Variants in NEDD4 observed in about 807,000 individuals in gnomAD.
NEDD4 encodes the protein E3 ubiquitin-protein ligase NEDD4.
A neutral mutation model predicts 144.9 loss-of-function variants in NEDD4; 99 were observed. The observed-to-expected ratio is 0.68, with a 90% CI of 0.58 to 0.81. The LOEUF is 0.81. Ranked by LOEUF, NEDD4 falls within the 30% of genes least tolerant of loss-of-function variation. The pLI is 0.00. For missense variants in NEDD4, 985 were observed against 1,065.9 expected (o/e 0.92, Z 1.06); for synonymous variants, 318 against 350.6 (o/e 0.91, Z 1.04).
intron 23 of NEDD4, 80 bp downstream of exon 23, chr15:55,838,027 G>T: frequency 2.0e-6 from 2 of 991,562 alleles, no homozygotes; most frequent in Non-Finnish European, 3.0e-6. Flanking sequence ...CAAGGGGACA[G>T]AGAAAGATGG....
chr15:55,916,490 A>AAACG, intron 5 of NEDD4: 3 of 1,614,074 alleles, frequency 1.9e-6, no homozygotes, highest in Non-Finnish European at 2.5e-6. Flanking sequence ...AGATACAAGT[A>AAACG]AACGAAGCAT....
At chr15:55,840,909 G>C (rs1213242211) in intron 19 of NEDD4, among the ~76,000 whole-genome samples, 182 bp from the exon 20 acceptor site, 1 of 152,180 alleles carries the variant, frequency 6.6e-6, no homozygotes, top group Non-Finnish European at 1.5e-5. Flanking sequence ...AATGTCCTTT[G>C]GCAGATGAAT....
At chr15:55,856,075 A>G (rs1385624267) in intron 12 of NEDD4, 56 bp downstream of exon 12, 2 of 1,485,442 alleles carry the variant, frequency 1.3e-6, no homozygotes, top group Non-Finnish European at 1.9e-6. Context: ...CCAAAAAATA[A>G]AAAGAGATGC....
intron 4 of NEDD4, among the ~76,000 whole-genome samples, chr15:55,929,147 T>C (rs1210742427): frequency 4.6e-5 from 7 of 150,860 alleles, no homozygotes; most frequent in Non-Finnish European, 1.0e-4. Context: ...AAGAACAGAG[T>C]GTCAAAGCAA....
chr15:55,863,747 T>C (rs2034490622), intron 8 of NEDD4, among the ~76,000 whole-genome samples: 1 of 152,216 alleles, frequency 6.6e-6, no homozygotes. Flanking sequence ...TTATTTCTTA[T>C]TGGTCATTGT....
intron 5 of NEDD4, among the ~76,000 whole-genome samples, chr15:55,885,599 A>C (rs2035356941): frequency 6.6e-6 from 1 of 152,164 alleles, no homozygotes; most frequent in Non-Finnish European, 1.5e-5. Context: ...TACTTTGTTT[A>C]TGCAATCAGT....
intron 27 of NEDD4, 84 bp downstream of exon 27, chr15:55,832,924 T>C (rs2033021860): frequency 5.5e-6 from 5 of 910,156 alleles, no homozygotes; most frequent in Admixed American, 2.1e-5. Flanking sequence ...TGTTAGTAAA[T>C]GATGGAAGCT....
chr15:55,911,744 G>A (rs988424893), intron 5 of NEDD4, among the ~76,000 whole-genome samples: 4 of 152,036 alleles, frequency 2.6e-5, no homozygotes, highest in African/African-American at 7.2e-5. Flanking sequence ...TAGCCAGGAT[G>A]GTCTCGATCT....
intron 8 of NEDD4, among the ~76,000 whole-genome samples, chr15:55,867,894 A>G (rs1482898589): frequency 6.6e-6 from 1 of 152,150 alleles, no homozygotes; most frequent in Non-Finnish European, 1.5e-5. Flanking sequence ...TGTCTCTACT[A>G]AAAATACAAA....
At chr15:55,976,237 A>G (rs895308619) in intron 1 of NEDD4, among the ~76,000 whole-genome samples, 15 of 152,226 alleles carry the variant, frequency 9.9e-5, no homozygotes, top group Non-Finnish European at 2.1e-4. Context: ...GGATCACATC[A>G]ACTTAAAAAG....
intron 15 of NEDD4, 74 bp from the exon 16 acceptor site, chr15:55,848,649 G>T: frequency 1.5e-6 from 2 of 1,373,282 alleles, no homozygotes; most frequent in Non-Finnish European, 2.1e-6. Flanking sequence ...AGCACTGGTT[G>T]TATGGTTAAT....
chr15:55,829,974 A>G lies in NEDD4; in HGVS notation c.2626T>C (p.Tyr876His), dbSNP rs375840599. ...TCFNRLDLPP[Y>H]ESFEELWDKL... ...TCCCATAATTCTTCAAATGATTCAT[A>G]AGGTGGCAAGTCCAGGCGATTAAAA... Residue 876 changes from tyrosine (Y) to histidine (H), a missense_variant, in exon 29 of 29, where the codon TAT (tyrosine) becomes CAT (histidine). Transcript: ENST00000435532. The G allele has an allele frequency of 6.2e-7, 1 of 1,613,208 alleles. No individual in the cohort carries two copies. Among genetic ancestry groups the G allele is most frequent in the Non-Finnish European group, 8.5e-7 (1 of 1,179,652 alleles).
intron 21 of NEDD4, 147 bp downstream of exon 21, chr15:55,840,300 C>T: frequency 1.4e-6 from 1 of 740,220 alleles, no homozygotes; most frequent in South Asian, 2.3e-5. Flanking sequence ...AGAAAATTTT[C>T]ATAATAAAAT....
chr15:55,938,185 C>T (rs1042678468), intron 4 of NEDD4, among the ~76,000 whole-genome samples: 1 of 152,016 alleles, frequency 6.6e-6, no homozygotes, highest in Non-Finnish European at 1.5e-5. Flanking sequence ...GTAGTGAAAC[C>T]CTGTCTCTAC....
intron 18 of NEDD4, among the ~76,000 whole-genome samples, chr15:55,845,393 CA>C (rs2033698951): frequency 6.6e-6 from 1 of 152,168 alleles, no homozygotes; most frequent in African/African-American, 2.4e-5. Context: ...TCAGTTTCCT[CA>C]TCTGTGAAAG....
At chr15:55,956,547 A>C (rs1264970648) in intron 2 of NEDD4, among the ~76,000 whole-genome samples, 1 of 152,140 alleles carries the variant, frequency 6.6e-6, no homozygotes, top group East Asian at 1.9e-4. Context: ...CTTTCCCTTG[A>C]ATTACCTCAG....
chr15:55,866,542 T>G (rs1189217255), intron 8 of NEDD4, among the ~76,000 whole-genome samples: 1 of 152,176 alleles, frequency 6.6e-6, no homozygotes, highest in African/African-American at 2.4e-5. Flanking sequence ...CATTGATTAC[T>G]TTTCCTTTAA....
intron 1 of NEDD4, among the ~76,000 whole-genome samples, 191 bp downstream of exon 1, chr15:55,993,320 G>T (rs1439289769): frequency 6.6e-6 from 1 of 152,106 alleles, no homozygotes; most frequent in Admixed American, 6.5e-5. Flanking sequence ...TCCCTCCAGC[G>T]AGCCCCCAGC....
At chr15:55,956,479 A>G (rs1300889444) in intron 2 of NEDD4, among the ~76,000 whole-genome samples, 2 of 152,308 alleles carry the variant, frequency 1.3e-5, no homozygotes, top group Admixed American at 6.5e-5. Flanking sequence ...GTAAGGACCA[A>G]GATTCATTTC....
Sources: gnomAD v4.1 joint callset for allele counts (sites outside exome capture counted in the v4.1 genomes callset) on GRCh38, gnomAD v4.1.1 for gene constraint, MANE v1.5 for transcripts, NCBI Gene and HGNC (gene_info 2026-07-23, HGNC 2026-07-21) for gene names.